The following TMEM40 variants were observed in gnomAD, a reference collection of about 807,000 sequenced individuals.
TMEM40 encodes the protein transmembrane protein 40.
A neutral mutation model predicts 40.8 loss-of-function variants in TMEM40; 34 were observed. That is an observed-to-expected ratio of 0.83 (90% confidence interval 0.63 to 1.11). The LOEUF is 1.11. Ranked by LOEUF, TMEM40 falls within the 50% of genes least tolerant of loss-of-function variation. The pLI is 0.00. For missense variants in TMEM40, 296 were observed against 280.2 expected (o/e 1.06, Z -0.40); for synonymous variants, 106 against 107.0 (o/e 0.99, Z 0.06).
At chr3:12,748,569 C>T in intron 3 of TMEM40, 86 bp downstream of exon 3, 1 of 1,525,828 alleles carries the variant, frequency 6.6e-7, no homozygotes, top group Non-Finnish European at 8.8e-7. Flanking sequence ...GTTTCAAGTA[C>T]TTCAATGACT....
At chr3:12,749,928 C>A in intron 1 of TMEM40, 88 bp from the exon 2 acceptor site, 1 of 1,214,224 alleles carries the variant, frequency 8.2e-7, no homozygotes, top group Non-Finnish European at 1.2e-6. Flanking sequence ...AAGAAAAAGA[C>A]AAACACTCAA....
intron 8 of TMEM40, 149 bp downstream of exon 8, chr3:12,737,558 A>G (rs2061346781): frequency 1.4e-6 from 1 of 724,488 alleles, no homozygotes; most frequent in Admixed American, 2.4e-5. Context: ...CACCCTGTTG[A>G]GGTGATTCTG....
At position 12,735,634 on chromosome 3, in the gene TMEM40, A is replaced by G. The variant is rs559261193; in HGVS notation, c.620-17T>C. On this transcript the variant is annotated splice_polypyrimidine_tract_variant and intron_variant, in intron 10 of 11. Coordinates refer to ENST00000314124, the MANE Select transcript of TMEM40 (RefSeq NM_018306.4). ...TACGGTACACTGCTCAGAAGCAAAG[A>G]AAAAAGTAAGTTAAGTTTGTGCCCC... 1.9e-6 allele frequency: 3 copies of G among 1,607,406 alleles called. No individual in the cohort carries two copies. Among genetic ancestry groups the G allele is most frequent in the South Asian group, 2.2e-5 (2 of 89,638 alleles).
At chr3:12,768,934 CGGGGGGGGCGGGG>C (rs1559538172) in intron 1 of TMEM40, among the ~76,000 whole-genome samples, 1 of 13,728 alleles carries the variant, frequency 7.3e-5, no homozygotes, top group African/African-American at 9.8e-5. Flanking sequence ...CGGGGCGGGG[CGGGGGGGGCGGGG>C]GGGGCGGGGG....
chr3:12,738,635 G>T (rs372193011), intron 5 of TMEM40, 47 bp from the exon 6 acceptor site: 7 of 1,597,554 alleles, frequency 4.4e-6, no homozygotes, highest in East Asian at 2.2e-5. Flanking sequence ...ATCCTCTGGG[G>T]GGGGAGAAGT....
intron 4 of TMEM40, among the ~76,000 whole-genome samples, chr3:12,743,635 A>G (rs2061400194): frequency 6.6e-6 from 1 of 152,160 alleles, no homozygotes; most frequent in African/African-American, 2.4e-5. Flanking sequence ...TTATAACCAT[A>G]TATGTCTGAA....
At chr3:12,743,336 G>T (rs560436338) in intron 4 of TMEM40, among the ~76,000 whole-genome samples, 6 of 152,148 alleles carry the variant, frequency 3.9e-5, no homozygotes, top group Admixed American at 3.9e-4. Flanking sequence ...GCATGGTGGC[G>T]CATGCCTGTA....
intron 3 of TMEM40, among the ~76,000 whole-genome samples, chr3:12,746,539 G>C (rs2061430009): frequency 6.6e-6 from 1 of 152,224 alleles, no homozygotes; most frequent in African/African-American, 2.4e-5. Flanking sequence ...GTGACTATGA[G>C]TGAGGGTCCT....
At chr3:12,760,392 C>A (rs1209204889), upstream of TMEM40, among the ~76,000 whole-genome samples, 7 of 152,110 alleles carry the variant, frequency 4.6e-5, no homozygotes, top group South Asian at 2.1e-4. Context: ...CCTTGGTTCC[C>A]ATGACTTCCT....
intron 1 of TMEM40, among the ~76,000 whole-genome samples, chr3:12,755,263 C>CTTTCTTTCTTTT (rs1559533469): frequency 6.7e-5 from 7 of 104,338 alleles, no homozygotes; most frequent in African/African-American, 3.4e-4. Context: ...TTCTTTCTTT[C>CTTTCTTTCTTTT]TTTCTTTCTT....
intron 7 of TMEM40, 34 bp downstream of exon 7, chr3:12,738,102 G>A (rs771244338): frequency 9.9e-6 from 16 of 1,612,380 alleles, no homozygotes; most frequent in Non-Finnish European, 1.4e-5. Context: ...ATCCACACCC[G>A]CTCTGGCTCT....
chr3:12,736,739 C>T (rs1427833617), intron 9 of TMEM40, 25 bp downstream of exon 9: 8 of 1,613,924 alleles, frequency 5.0e-6, no homozygotes, highest in Non-Finnish European at 6.8e-6. Flanking sequence ...CCCCCTTGTG[C>T]ATTCCCCAGG....
At chr3:12,755,270 T>TCTTA (rs2061518194) in intron 1 of TMEM40, among the ~76,000 whole-genome samples, 1 of 124,184 alleles carries the variant, frequency 8.1e-6, no homozygotes, top group Non-Finnish European at 1.6e-5. Context: ...TTTCTTTCTT[T>TCTTA]CTTTCTTTCT....
chr3:12,737,693 A>C lies in TMEM40; in HGVS notation c.472+14T>G. 6.2e-7 allele frequency: 1 copy of C among 1,613,926 alleles called. No homozygotes were observed. Among genetic ancestry groups the C allele is most frequent in the East Asian group, 2.2e-5 (1 of 44,892 alleles). ...AGACAGGAAAAAGCAGCTCTGCTAC[A>C]CCAAGTTCCTTACCATCTTTCTTTA... On this transcript the variant is annotated intron_variant, in intron 8 of 11. Coordinates refer to ENST00000314124, the MANE Select transcript of TMEM40 (RefSeq NM_018306.4).
At chr3:12,755,225 CTCTCTCT>C (rs2061514037) in intron 1 of TMEM40, among the ~76,000 whole-genome samples, 1 of 78,950 alleles carries the variant, frequency 1.3e-5, no homozygotes, top group Non-Finnish European at 2.6e-5. Flanking sequence ...CTCTCTCTCT[CTCTCTCT>C]CTCTTTCTTT....
intron 1 of TMEM40, among the ~76,000 whole-genome samples, chr3:12,754,498 C>A (rs2061503857): frequency 6.6e-6 from 1 of 152,146 alleles, no homozygotes; most frequent in South Asian, 2.1e-4. Context: ...GGTGCACAAC[C>A]AATGTTTGTT....
intron 1 of TMEM40, among the ~76,000 whole-genome samples, chr3:12,764,411 G>A (rs9812144): frequency 0.65 from 99,045 of 152,114 alleles, 33,700 homozygotes; most frequent in African/African-American, 0.84. Flanking sequence ...TCTTCACTCA[G>A]GTCTCCCTGA....
At chr3:12,766,077 C>T (rs1185522102) in intron 1 of TMEM40, among the ~76,000 whole-genome samples, 2 of 151,170 alleles carry the variant, frequency 1.3e-5, no homozygotes, top group Admixed American at 6.6e-5. Context: ...TCAGGCTGGT[C>T]TTAAGCTCCT....
At chr3:12,736,317 T>C (rs2061336844) in intron 10 of TMEM40, among the ~76,000 whole-genome samples, 1 of 151,930 alleles carries the variant, frequency 6.6e-6, no homozygotes, top group Non-Finnish European at 1.5e-5. Flanking sequence ...CCTGGCTAAT[T>C]TTTTGTATTT....
Sources: gnomAD v4.1 joint callset for allele counts (sites outside exome capture counted in the v4.1 genomes callset) on GRCh38, gnomAD v4.1.1 for gene constraint, MANE v1.5 for transcripts, NCBI Gene and HGNC (gene_info 2026-07-23, HGNC 2026-07-21) for gene names.